The following RYR2 variants were observed in gnomAD, a reference collection of about 807,000 sequenced individuals.
RYR2 encodes the protein ryanodine receptor 2.
Under a neutral mutation model 601.1 loss-of-function variants are expected in RYR2, and 227 were observed. The ratio of observed to expected loss-of-function variants is 0.38; its 90% CI spans 0.34 to 0.42. RYR2 has a LOEUF of 0.42. RYR2 is among the 10% of genes least tolerant of loss of function. The pLI, the probability that RYR2 is intolerant of heterozygous loss-of-function variation, is 1.00. For synonymous variants in RYR2, 2,223 were observed against 2,175.1 expected, an observed-to-expected ratio of 1.02 and a Z score of -0.61; for missense variants, 4,646 against 6,156.5, an observed-to-expected ratio of 0.75 and a Z score of 8.21.
chr1:237,749,013 A>T (rs534014516), intron 80 of RYR2, among the ~76,000 whole-genome samples: 73 of 152,328 alleles, frequency 4.8e-4, no homozygotes, highest in African/African-American at 1.7e-3. Context: ...ACACTATAAC[A>T]TTTTATATAA....
At chr1:237,181,376 G>C (rs1475665352) in intron 1 of RYR2, among the ~76,000 whole-genome samples, 1 of 152,158 alleles carries the variant, frequency 6.6e-6, no homozygotes, top group Non-Finnish European at 1.5e-5. Context: ...CACAGGAAAA[G>C]TAAGTTCTTT....
intron 80 of RYR2, chr1:237,754,924 A>G: frequency 2.6e-6 from 1 of 381,012 alleles, no homozygotes; most frequent in Non-Finnish European, 4.6e-6. Context: ...CTACATATAA[A>G]GCAAAGCTGC....
At chr1:237,779,670 G>A (rs947155630) in intron 88 of RYR2, among the ~76,000 whole-genome samples, 27 of 152,186 alleles carry the variant, frequency 1.8e-4, no homozygotes, top group African/African-American at 6.3e-4. Context: ...GATCAGCAGG[G>A]CTGGATGCTA....
At chr1:237,264,205 C>T (rs1046148133) in intron 1 of RYR2, among the ~76,000 whole-genome samples, 1 of 152,088 alleles carries the variant, frequency 6.6e-6, no homozygotes, top group African/African-American at 2.4e-5. Context: ...CCCTGCTATC[C>T]CTAAGCTTTG....
At chr1:237,225,403 C>T (rs981179164) in intron 1 of RYR2, among the ~76,000 whole-genome samples, 8 of 152,094 alleles carry the variant, frequency 5.3e-5, no homozygotes, top group African/African-American at 7.2e-5. Context: ...GCGAAAGGCA[C>T]GTCTTACATG....
At chr1:237,594,896 T>TGTTTTTTG (rs1675664124) in intron 33 of RYR2, among the ~76,000 whole-genome samples, 5 of 20,460 alleles carry the variant, frequency 2.4e-4, no homozygotes, top group African/African-American at 3.6e-4. Context: ...GTTTTTTTTT[T>TGTTTTTTG]TTTTTTTTTT....
At position 237,614,757 on chromosome 1, in the gene RYR2, G is replaced by A. The variant is rs1573126841; in HGVS notation, c.5629G>A (p.Gly1877Arg). The A allele has an allele frequency of 6.2e-7, 1 of 1,613,208 alleles. No homozygotes were observed. The highest frequency in any genetic ancestry group is 2.2e-5 in the East Asian group (1 of 44,862). The change falls in exon 37 of 105, where the codon GGA (glycine) becomes AGA (arginine). Residue 1877 changes from glycine to arginine, a missense_variant. By Grantham distance (125) the Gly-to-Arg change is moderately radical. Around this residue, in one of 17 missense-constraint regions of RYR2, gnomAD observed 1,807 missense variants for 2,088.1 expected, o/e 0.87. Transcript: ENST00000366574. This position sits in a 1 kb window ranked among gnomAD's most constrained non-coding sequence, Gnocchi z 4.3. Reference protein sequence around the residue: ...ELSVDDAKLQGAGEEEAKGGK... With the variant: ...ELSVDDAKLQRAGEEEAKGGK... ...CAGTGTGGACGATGCAAAGCTGCAA[G>A]GAGCTGGTGAGGAAGAAGCCAAGGG...
At chr1:237,717,692 G>A (rs1375072438) in intron 72 of RYR2, among the ~76,000 whole-genome samples, 1 of 152,144 alleles carries the variant, frequency 6.6e-6, no homozygotes. Context: ...TCAAATTTAT[G>A]AAGGGTGATT....
At chr1:237,275,222 T>C (rs1481488660) in intron 2 of RYR2, among the ~76,000 whole-genome samples, 1 of 151,898 alleles carries the variant, frequency 6.6e-6, no homozygotes, top group African/African-American at 2.4e-5. Flanking sequence ...ATTTTAACAA[T>C]CTAGGAGAAT....
intron 62 of RYR2, among the ~76,000 whole-genome samples, chr1:237,681,433 C>T (rs117143387): frequency 8.1e-4 from 124 of 152,208 alleles, no homozygotes; most frequent in African/African-American, 1.1e-3. Flanking sequence ...TCCTGCACTA[C>T]GTAACACTGG....
intron 1 of RYR2, among the ~76,000 whole-genome samples, chr1:237,131,772 G>T (rs2490378): frequency 0.53 from 79,792 of 151,640 alleles, 21,766 homozygotes; most frequent in Admixed American, 0.6. Flanking sequence ...CCAGGCTGTA[G>T]TGCAGTGGCA....
At chr1:237,197,877 G>A (rs1456588191) in intron 1 of RYR2, among the ~76,000 whole-genome samples, 1 of 152,236 alleles carries the variant, frequency 6.6e-6, no homozygotes, top group Non-Finnish European at 1.5e-5. Flanking sequence ...CTAAGGATGT[G>A]AGTTTGCAAG....
chr1:237,473,735 G>C (rs933950103), intron 17 of RYR2, among the ~76,000 whole-genome samples: 7 of 151,976 alleles, frequency 4.6e-5, no homozygotes, highest in Non-Finnish European at 7.4e-5. Flanking sequence ...CTGCCTGTGC[G>C]TTGTTTTCTC....
At chr1:237,818,674 A>G (rs1662104741) in intron 100 of RYR2, among the ~76,000 whole-genome samples, 1 of 152,008 alleles carries the variant, frequency 6.6e-6, no homozygotes, top group African/African-American at 2.4e-5. Flanking sequence ...CAAAATAACC[A>G]AACAATACAA....
chr1:237,609,689 C>G (rs1018782575), intron 35 of RYR2, among the ~76,000 whole-genome samples: 5 of 152,070 alleles, frequency 3.3e-5, no homozygotes, highest in Non-Finnish European at 7.4e-5. Context: ...ATGTTGCTTT[C>G]TCAATGATGC....
At chr1:237,046,325 T>C (rs1660597392) in intron 1 of RYR2, among the ~76,000 whole-genome samples, 4 of 152,194 alleles carry the variant, frequency 2.6e-5, no homozygotes, top group Admixed American at 2.6e-4. Context: ...TAGTGTTCTT[T>C]CCAGGAGAGA....
intron 66 of RYR2, among the ~76,000 whole-genome samples, chr1:237,702,588 A>G (rs1688055568): frequency 6.6e-6 from 1 of 152,130 alleles, no homozygotes; most frequent in South Asian, 2.1e-4. Context: ...AAAGGTCAGA[A>G]TAAATAAAAA....
chr1:237,184,074 C>G (rs1022083248), intron 1 of RYR2, among the ~76,000 whole-genome samples: 2 of 152,180 alleles, frequency 1.3e-5, no homozygotes, highest in Non-Finnish European at 2.9e-5. Context: ...CTATAGGAAG[C>G]CTTCTGGGAG....
chr1:237,436,509 C>G (rs1707393922), intron 12 of RYR2, among the ~76,000 whole-genome samples: 1 of 107,168 alleles, frequency 9.3e-6, no homozygotes, highest in African/African-American at 3.5e-5. Context: ...CTAACTAAGC[C>G]TGGCCTGGCC....
Sources: gnomAD v4.1 joint callset for allele counts (sites outside exome capture counted in the v4.1 genomes callset) on GRCh38, gnomAD v4.1.1 for gene constraint, gnomAD v4.1.1 regional missense constraint, Gnocchi (gnomAD v3.1) non-coding constraint, MANE v1.5 for transcripts, NCBI Gene and HGNC (gene_info 2026-07-23, HGNC 2026-07-21) for gene names.